The following ABCD4 variants were observed in gnomAD, a reference collection of about 807,000 sequenced individuals.
ABCD4 encodes ATP binding cassette subfamily D member 4, also known as lysosomal cobalamin transporter ABCD4.
ABCD4 carries 53 observed loss-of-function variants against 86.3 expected under a neutral mutation model. The observed-to-expected ratio is 0.61, with a 90% CI of 0.49 to 0.77. ABCD4 has a LOEUF of 0.77. ABCD4 is among the 30% of genes least tolerant of loss of function. The pLI, the probability that ABCD4 is intolerant of heterozygous loss-of-function variation, is 0.00. For synonymous variants in ABCD4, 328 were observed against 313.6 expected, an observed-to-expected ratio of 1.05 and a Z score of -0.49; for missense variants, 757 against 764.5, an observed-to-expected ratio of 0.99 and a Z score of 0.12.
At chr14:74,289,024 A>G (rs1594835213) in intron 14 of ABCD4, 1 of 927,766 alleles carries the variant, frequency 1.1e-6, no homozygotes, top group East Asian at 4.7e-5. Context: ...AGGCAGGGGA[A>G]TTGCTTGAAC....
At chr14:74,294,242 C>G (rs528556646) in intron 7 of ABCD4, 1 of 152,096 alleles carries the variant, frequency 6.6e-6, no homozygotes, top group Admixed American at 6.5e-5. Context: ...TTAGTAGAGA[C>G]AGGGTTTCAC....
chr14:74,287,375 C>T (rs2080061908), intron 17 of ABCD4, among the ~76,000 whole-genome samples: 1 of 151,678 alleles, frequency 6.6e-6, no homozygotes, highest in African/African-American at 2.4e-5. Flanking sequence ...ATAGCATGAC[C>T]CTGTCTCTAC....
chr14:74,299,735 C>T, intron 2 of ABCD4, 60 bp from the exon 3 acceptor site: 2 of 1,532,032 alleles, frequency 1.3e-6, no homozygotes, highest in Non-Finnish European at 1.8e-6. Flanking sequence ...AGGGAGGCTT[C>T]TTCCTGAGTC....
At position 74,286,731 on chromosome 14, in the gene ABCD4, G is replaced by A; in HGVS notation, c.1722C>T (p.Ile574=). The A allele has an allele frequency of 6.2e-7, 1 of 1,614,144 alleles. No individual in the cohort carries two copies. ...CAAGGCTCTGCCGATGTCCCACACT[G>A]ATGAACGTCATCCCCAGCTGCTGGC... ...RIGQQLGMTF[I]SVGHRQSLEK... Residue 574 remains isoleucine (I), a synonymous_variant, in exon 18 of 19, where the codon ATC becomes ATT. Coordinates refer to ENST00000356924, the MANE Select transcript of ABCD4 (RefSeq NM_005050.4).
At chr14:74,292,971 ACT>A (rs2081948988) in intron 8 of ABCD4, 102 bp from the exon 9 acceptor site, 5 of 1,558,178 alleles carry the variant, frequency 3.2e-6, no homozygotes, top group Admixed American at 1.7e-5. Flanking sequence ...GGCCACGTGG[ACT>A]CTCTGGATCC....
In ABCD4 at chr14:74,287,720, C is replaced by A. The variant is rs143162636; in HGVS notation, c.1636+90G>T. ...GAATGCGGAGAAGCCCAGCCATTCA[C>A]AGGTGTGCCTGGGTGCCTGTGAACA... On this transcript the variant is annotated intron_variant, in intron 17 of 18. Transcript: ENST00000356924. 3.3e-4 allele frequency: 414 copies of A among 1,247,974 alleles called. 1 individual carries two copies. The highest frequency in any genetic ancestry group is 3.1e-3 in the African/African-American group (207 of 66,380). 77.3% of individuals were successfully genotyped at this position (1,247,974 alleles called of 1,614,324 possible). A position where few individuals can be genotyped will look rare whatever the true frequency, so the allele number is the denominator to read the frequency against.
At chr14:74,289,318 G>C (rs1380427514) in intron 14 of ABCD4, 165 bp downstream of exon 14, 1 of 1,429,938 alleles carries the variant, frequency 7.0e-7, no homozygotes, top group Non-Finnish European at 9.1e-7. Context: ...TGAGATCTGG[G>C]TACAGACCCC....
chr14:74,294,267 C>G (rs2082278343), intron 7 of ABCD4: 1 of 152,162 alleles, frequency 6.6e-6, no homozygotes, highest in African/African-American at 2.4e-5. Flanking sequence ...TTGGCCATGG[C>G]TGGTCTCGAA....
chr14:74,299,001 G>C (rs778745651), intron 3 of ABCD4: 29 of 155,778 alleles, frequency 1.9e-4, no homozygotes, highest in Non-Finnish European at 1.7e-4. Context: ...TACAGAAAAA[G>C]GGCAGAGTTT....
Position 74,294,680 on chromosome 14 carries a change from G to A in ABCD4, c.719+468C>T, listed in dbSNP as rs550293024. On this transcript the variant is annotated intron_variant, in intron 7 of 18. Transcript: ENST00000356924. ...CGCTGCTGCTGCTCCTGCTGCTGCC[G>A]TCAGGAGACCAGACGCTTGGCTCCA... The A allele has an allele frequency of 1.9e-3, 302 of 161,250 alleles. 2 individuals carry two copies. The highest frequency in any genetic ancestry group is 2.6e-3 in the Non-Finnish European group (193 of 74,038). The allele number at this position is 161,250 out of a possible 1,614,324, so 10.0% of individuals were successfully genotyped here.
chr14:74,300,374 C>A, intron 1 of ABCD4, 106 bp from the exon 2 acceptor site: 2 of 715,494 alleles, frequency 2.8e-6, no homozygotes, highest in Non-Finnish European at 4.9e-6. Flanking sequence ...CCAGGCCATG[C>A]AGAAAGAATG....
At chr14:74,296,216 C>G in intron 5 of ABCD4, 117 bp downstream of exon 5, 1 of 1,181,584 alleles carries the variant, frequency 8.5e-7, no homozygotes, top group African/African-American at 1.5e-5. Flanking sequence ...GATGGGTGAG[C>G]ACGTGGTAAG....
chr14:74,296,369 A>G lies in ABCD4; in HGVS notation c.506T>C (p.Phe169Ser). 1 of 1,614,160 alleles carries G rather than the reference A, an allele frequency of 6.2e-7. No individual in the cohort carries two copies. Among genetic ancestry groups the G allele is most frequent in the Non-Finnish European group, 8.5e-7 (1 of 1,180,026 alleles). ...CTGGTAAGTGTAGTAGACGAGGGTG[A>G]ACGGGGAGATGATGAGCTTGCTGGC... Reference protein sequence around the residue: ...SMASKLIISPFTLVYYTYQCF... With the variant: ...SMASKLIISPSTLVYYTYQCF... The change falls in exon 5 of 19, where the codon TTC (phenylalanine) becomes TCC (serine). Residue 169 changes from phenylalanine to serine, a missense_variant. Physicochemically the swap from Phe to Ser is radical, Grantham distance 155 (BLOSUM62 -2). Transcript: ENST00000356924.
At chr14:74,289,252 G>A in intron 14 of ABCD4, 2 of 1,356,782 alleles carry the variant, frequency 1.5e-6, no homozygotes, top group Non-Finnish European at 9.4e-7. Flanking sequence ...GGTGAAGGAA[G>A]GCATCACTTT....
Position 74,300,119 on chromosome 14 carries a change from T to TC in ABCD4, c.157+30dup, listed in dbSNP as rs762616743. ...AAGGGACCCCAAACCAGAGCTCCCC[T>TC]CCCTCCTCTAGTCTGGGCTCACTCA... On this transcript the variant is annotated intron_variant, in intron 2 of 18. Coordinates refer to ENST00000356924, the MANE Select transcript of ABCD4 (RefSeq NM_005050.4). 27 of 636,234 alleles carry TC rather than the reference T, an allele frequency of 4.2e-5. No individual in the cohort carries two copies. The African/African-American group carries it at 5.4e-4, about 13-fold the overall frequency. The allele number at this position is 636,234 out of a possible 1,614,324, so 39.4% of individuals were successfully genotyped here. A position where few individuals can be genotyped will look rare whatever the true frequency, so the allele number is the denominator to read the frequency against.
chr14:74,292,303 C>T lies in ABCD4; in HGVS notation c.1102G>A (p.Glu368Lys), dbSNP rs3742801. 562,383 of 1,613,546 alleles carry T rather than the reference C, an allele frequency of 0.35. 101,224 individuals are homozygous for T. Among genetic ancestry groups the T allele is most frequent in the Middle Eastern group, 0.53 (3,199 of 6,062 alleles). The change falls in exon 11 of 19, where the codon GAG becomes AAG. Residue 368 changes from glutamate to lysine, a missense_variant. Glu to Lys is a moderately conservative substitution (Grantham distance 56, BLOSUM62 1). Transcript: ENST00000356924. ...SQDCEILGES[E>K]WGLDTPPGWP... ...GCTACTCACGTGTCCAAGCCCCACT[C>T]GCTCTCGCCCAGGATCTCGCAGTCC...
Position 74,287,872 on chromosome 14 carries a change from G to T in ABCD4, c.1574C>A (p.Ser525Tyr). 6.2e-7 allele frequency: 1 copy of T among 1,613,180 alleles called. No individual in the cohort carries two copies. The highest frequency in any genetic ancestry group is 8.5e-7 in the Non-Finnish European group (1 of 1,179,556). Residue 525 changes from serine (S) to tyrosine (Y), a missense_variant, in exon 17 of 19, where the codon TCC (serine) becomes TAC (tyrosine). Coordinates refer to ENST00000356924, the MANE Select transcript of ABCD4 (RefSeq NM_005050.4). The part of the protein sequence containing the change: ...QVDWNWYDVL[S>Y]PGEMQRLSFA... ...GGAGAGCCGTTGCATCTCCCCCGGG[G>T]ACAGAACATCATACCTGAGGAAAGG... is the stretch of plus-strand genomic sequence containing the variant.
At chr14:74,299,877 G>A (rs2083889422) in intron 2 of ABCD4, 2 of 587,640 alleles carry the variant, frequency 3.4e-6, no homozygotes, top group Non-Finnish European at 6.0e-6. Flanking sequence ...GCCTGGCCAA[G>A]ATGGTGAAAC....
At position 74,299,577 on chromosome 14, in the gene ABCD4, C is replaced by G. The variant is rs772179984; in HGVS notation, c.256G>C (p.Ala86Pro). 3.1e-6 allele frequency: 5 copies of G among 1,613,722 alleles called. No homozygotes were observed. The highest frequency in any genetic ancestry group is 3.4e-6 in the Non-Finnish European group (4 of 1,179,844). Residue 86 changes from alanine (A) to proline (P), a missense_variant, in exon 3 of 19, where the codon GCT (alanine) becomes CCT (proline). Coordinates refer to ENST00000356924, the MANE Select transcript of ABCD4 (RefSeq NM_005050.4). ...GAGTTCAGAACAATGAGCATGACAG[C>G]CAGGAATGTCAGAGTCTTAAACCCT... The part of the protein sequence containing the change: ...LEGFKTLTFL[A>P]VMLIVLNSTL...
Sources: gnomAD v4.1 joint callset for allele counts (sites outside exome capture counted in the v4.1 genomes callset) on GRCh38, gnomAD v4.1.1 for gene constraint, MANE v1.5 for transcripts, NCBI Gene and HGNC (gene_info 2026-07-23, HGNC 2026-07-21) for gene names.